Variants in SLCO3A1 observed in about 807,000 individuals in gnomAD.
SLCO3A1 encodes the protein PGE1 transporter.
In SLCO3A1, 27 loss-of-function variants were observed where a neutral mutation model predicts 63.1. That is an observed-to-expected ratio of 0.43 (90% CI 0.32 to 0.59). SLCO3A1 has a LOEUF of 0.59. SLCO3A1 is among the 20% of genes least tolerant of loss of function. The probability of loss-of-function intolerance (pLI) is 0.09; values close to 1 mark genes in which losing one functional copy is unlikely to be tolerated. For missense variants in SLCO3A1, 773 were observed against 945.8 expected (o/e 0.82, Z 2.40); for synonymous variants, 473 against 409.9 (o/e 1.15, Z -1.86).
intron 2 of SLCO3A1, among the ~76,000 whole-genome samples, chr15:92,014,263 C>A (rs1439303929): frequency 6.6e-6 from 1 of 152,080 alleles, no homozygotes; most frequent in African/African-American, 2.4e-5. Flanking sequence ...GGCAGTGGAC[C>A]ACCTGCGGCT....
intron 9 of SLCO3A1, chr15:92,161,555 C>T (rs2048437209): frequency 6.6e-6 from 1 of 152,228 alleles, no homozygotes; most frequent in South Asian, 2.1e-4. Flanking sequence ...CCAACTCATT[C>T]TGAGCTGGGA....
In SLCO3A1 at chr15:92,164,335, G is replaced by C. The variant is rs2048475250; in HGVS notation, c.*1200G>C. ...AGAAGAAAAAAAAATGCTTCAAAAA[G>C]AGAGTGTATATGCAGCCTGCCTTTA... On this transcript the variant is annotated 3_prime_UTR_variant, in exon 10 of 10. Coordinates refer to ENST00000318445, the MANE Select transcript of SLCO3A1 (RefSeq NM_013272.4). 1.0e-6 allele frequency: 1 copy of C among 984,954 alleles called. No individual in the cohort carries two copies. Among genetic ancestry groups the C allele is most frequent in the African/African-American group, 1.7e-5 (1 of 57,204 alleles). 61.0% of individuals were successfully genotyped at this position (984,954 alleles called of 1,614,324 possible). A position where few individuals can be genotyped will look rare whatever the true frequency, so the allele number is the denominator to read the frequency against.
chr15:92,159,215 G>A (rs1022477924), intron 9 of SLCO3A1, among the ~76,000 whole-genome samples: 12 of 152,170 alleles, frequency 7.9e-5, no homozygotes, highest in African/African-American at 1.4e-4. Context: ...AGCTGGGTGC[G>A]GTGGCTCACG....
At chr15:91,960,795 T>A (rs770825510) in intron 2 of SLCO3A1, among the ~76,000 whole-genome samples, 5 of 152,218 alleles carry the variant, frequency 3.3e-5, no homozygotes, top group Non-Finnish European at 5.9e-5. Flanking sequence ...TTTTGAATAT[T>A]TGCATTATAT....
Position 91,856,335 on chromosome 15 carries a change from C to T in SLCO3A1, c.180+2247C>T, listed in dbSNP as rs1418208059. Among the ~76,000 whole-genome samples, 2 of 152,144 alleles carry T rather than the reference C, an allele frequency of 1.3e-5. No individual in the cohort carries two copies. The highest frequency in any genetic ancestry group is 1.9e-4 in the East Asian group (1 of 5,190). ...TTACTAGGAGTGGAGGCATAAGGCT[C>T]TAAGGGCTCTGCTTTGCCCGGCTGC... On this transcript the variant is annotated intron_variant, in intron 1 of 9. Transcript: ENST00000318445. This position sits in a 1 kb window ranked among gnomAD's most constrained non-coding sequence, Gnocchi z 4.9.
chr15:91,917,858 C>T (rs1263118964), intron 2 of SLCO3A1, among the ~76,000 whole-genome samples: 1 of 152,178 alleles, frequency 6.6e-6, no homozygotes, highest in Non-Finnish European at 1.5e-5. Context: ...GAGGTCCACC[C>T]TCTGACTTGA....
At chr15:92,017,617 G>A (rs2046453831) in intron 2 of SLCO3A1, among the ~76,000 whole-genome samples, 2 of 152,198 alleles carry the variant, frequency 1.3e-5, no homozygotes, top group Admixed American at 6.5e-5. Flanking sequence ...TGTTCAATGA[G>A]AGGGTGATGG....
At chr15:91,908,386 C>G (rs1898378762) in intron 1 of SLCO3A1, 1 of 152,104 alleles carries the variant, frequency 6.6e-6, no homozygotes, top group African/African-American at 2.4e-5. Flanking sequence ...GAAATAAAAC[C>G]TCATTGACTA....
chr15:92,164,545 G>A lies in SLCO3A1; in HGVS notation c.*1410G>A. ...TCTTAGATGTGGGTTTGTGTGTATG[G>A]GTGCAACACTTCCGGGGATAGGAAA... On this transcript the variant is annotated 3_prime_UTR_variant, in exon 10 of 10. Transcript: ENST00000318445. 1 of 985,322 alleles carries A rather than the reference G, an allele frequency of 1.0e-6. No individual in the cohort carries two copies. Among genetic ancestry groups the A allele is most frequent in the Non-Finnish European group, 1.2e-6 (1 of 829,920 alleles). 61.0% of individuals were successfully genotyped at this position (985,322 alleles called of 1,614,324 possible). A position where few individuals can be genotyped will look rare whatever the true frequency, so the allele number is the denominator to read the frequency against.
intron 2 of SLCO3A1, among the ~76,000 whole-genome samples, chr15:92,009,612 T>G (rs2046347840): frequency 6.6e-6 from 1 of 152,168 alleles, no homozygotes; most frequent in Non-Finnish European, 1.5e-5. Flanking sequence ...CTTAGGCAGG[T>G]CATCAAAGGT....
At chr15:92,133,909 C>A (rs2048025654) in intron 7 of SLCO3A1, among the ~76,000 whole-genome samples, 1 of 152,192 alleles carries the variant, frequency 6.6e-6, no homozygotes, top group Non-Finnish European at 1.5e-5. Context: ...GTCCTTGGTA[C>A]CAAAAAGGTT....
At chr15:92,009,244 C>T (rs888275582) in intron 2 of SLCO3A1, among the ~76,000 whole-genome samples, 2 of 152,178 alleles carry the variant, frequency 1.3e-5, no homozygotes, top group African/African-American at 4.8e-5. Context: ...TCTGGAGGAA[C>T]AACTCTAGGA....
At position 91,886,009 on chromosome 15, in the gene SLCO3A1, A is replaced by G. The variant is rs779722445; in HGVS notation, c.181-29984A>G. 3.3e-5 allele frequency among the ~76,000 whole-genome samples: 5 copies of G among 152,034 alleles called. No individual in the cohort carries two copies. Among genetic ancestry groups the G allele is most frequent in the Non-Finnish European group, 5.9e-5 (4 of 68,020 alleles). Reference sequence around the variant, plus strand: ...GAGGCAGGGGAAGATGAAAGCAGAGAGGTGGGTGGAAGACCAGACCCGGCA... The same window carrying G: ...GAGGCAGGGGAAGATGAAAGCAGAGGGGTGGGTGGAAGACCAGACCCGGCA... On this transcript the variant is annotated intron_variant, in intron 1 of 9. Coordinates refer to ENST00000318445, the MANE Select transcript of SLCO3A1 (RefSeq NM_013272.4). The surrounding 1 kb of genome is among the most constrained non-coding windows in gnomAD (Gnocchi z 4.9).
Position 91,907,701 on chromosome 15 carries a change from C to T in SLCO3A1, c.181-8292C>T, listed in dbSNP as rs188243627. ...TGCCCAGCTAATTTTGTTTTTTACA[C>T]TTTTAGTAGAGACGGGGTTTCACCA... On this transcript the variant is annotated intron_variant, in intron 1 of 9. Coordinates refer to ENST00000318445, the MANE Select transcript of SLCO3A1 (RefSeq NM_013272.4). Among the ~76,000 whole-genome samples, 642 of 150,768 alleles carry T rather than the reference C, an allele frequency of 4.3e-3. 6 individuals carry two copies. Among genetic ancestry groups the T allele is most frequent in the African/African-American group, 0.015 (606 of 40,970 alleles).
At chr15:92,116,913 C>T (rs193015322) in intron 4 of SLCO3A1, among the ~76,000 whole-genome samples, 42 of 152,300 alleles carry the variant, frequency 2.8e-4, no homozygotes, top group African/African-American at 9.6e-4. Flanking sequence ...GAATGTTCTT[C>T]ATGCAAATAA....
At chr15:91,931,077 C>G (rs1341418854) in intron 2 of SLCO3A1, among the ~76,000 whole-genome samples, 1 of 152,158 alleles carries the variant, frequency 6.6e-6, no homozygotes, top group Non-Finnish European at 1.5e-5. Flanking sequence ...ACCAAATGTG[C>G]TCAGAAATAT....
At chr15:91,873,570 A>C (rs912081439) in intron 1 of SLCO3A1, among the ~76,000 whole-genome samples, 1 of 151,868 alleles carries the variant, frequency 6.6e-6, no homozygotes, top group Non-Finnish European at 1.5e-5. Flanking sequence ...ACACACATAC[A>C]TACATACATA....
At chr15:92,127,406 T>C (rs1429281455) in intron 6 of SLCO3A1, among the ~76,000 whole-genome samples, 2 of 152,212 alleles carry the variant, frequency 1.3e-5, no homozygotes, top group Non-Finnish European at 2.9e-5. Flanking sequence ...TCCTCTACCA[T>C]TTATGACTTC....
chr15:91,922,179 G>A (rs1898869870), intron 2 of SLCO3A1, among the ~76,000 whole-genome samples: 1 of 126,858 alleles, frequency 7.9e-6, no homozygotes, highest in South Asian at 2.8e-4. Context: ...GTGTTAGGCA[G>A]ACACACGCGC....
Sources: allele counts gnomAD v4.1 joint callset (sites outside exome capture counted in the v4.1 genomes callset), GRCh38; gene constraint gnomAD v4.1.1; non-coding constraint Gnocchi (gnomAD v3.1); transcripts MANE v1.5; gene names NCBI Gene and HGNC (gene_info 2026-07-23, HGNC 2026-07-21).